Variants in ADGRL2 observed in about 807,000 individuals in gnomAD.
ADGRL2 encodes the protein adhesion G protein-coupled receptor L2.
In ADGRL2, 44 loss-of-function variants were observed where a neutral mutation model predicts 157.4. The observed-to-expected ratio is 0.28, with a 90% CI of 0.22 to 0.36. The LOEUF (loss-of-function observed/expected upper bound fraction) is 0.36. Ranked by LOEUF, ADGRL2 falls within the 10% of genes least tolerant of loss-of-function variation. The probability of loss-of-function intolerance (pLI) is 1.00; values close to 1 mark genes in which losing one functional copy is unlikely to be tolerated. For synonymous variants in ADGRL2, 585 were observed against 624.7 expected, an observed-to-expected ratio of 0.94 and a Z score of 0.95; for missense variants, 1,510 against 1,768.9, an observed-to-expected ratio of 0.85 and a Z score of 2.63.
chr1:81,702,369 G>T (rs1468623784), intron 1 of ADGRL2, among the ~76,000 whole-genome samples: 1 of 152,156 alleles, frequency 6.6e-6, no homozygotes, highest in Non-Finnish European at 1.5e-5. Context: ...AAAGATGGAA[G>T]GTGACAATAA....
chr1:81,851,034 C>G (rs922184667), intron 2 of ADGRL2, among the ~76,000 whole-genome samples: 4 of 151,816 alleles, frequency 2.6e-5, no homozygotes, highest in African/African-American at 9.7e-5. Flanking sequence ...CACTAATGAT[C>G]ACCCAAAAAC....
chr1:81,483,910 A>G (rs1014843432), intron 2 of ADGRL2, among the ~76,000 whole-genome samples: 3 of 152,196 alleles, frequency 2.0e-5, no homozygotes, highest in African/African-American at 7.2e-5. Flanking sequence ...AAAAGACTAA[A>G]TCAAATCTTC....
chr1:81,892,499 A>G (rs558587091), intron 2 of ADGRL2, among the ~76,000 whole-genome samples: 1 of 152,228 alleles, frequency 6.6e-6, no homozygotes, highest in Admixed American at 6.5e-5. Flanking sequence ...GATAAGCCAT[A>G]AGAATTGTGT....
chr1:81,986,258 A>G (rs945778497), intron 21 of ADGRL2, among the ~76,000 whole-genome samples: 14 of 152,126 alleles, frequency 9.2e-5, no homozygotes, highest in Non-Finnish European at 1.9e-4. Context: ...TGCATTATTC[A>G]ATGATTCATT....
chr1:81,912,294 A>G (rs2094747251), intron 3 of ADGRL2, among the ~76,000 whole-genome samples: 2 of 151,288 alleles, frequency 1.3e-5, no homozygotes, highest in Admixed American at 1.3e-4. Flanking sequence ...ATGGTCTCGA[A>G]CTCTTGGCCT....
In ADGRL2 at chr1:81,986,523, C is replaced by A. The variant is rs1426159521; in HGVS notation, c.3509-378C>A. ...TGTAAATTCTGAAAGTTTGAGATTC[C>A]CTCTTCTGGGCCTCAGTGGTTACGT... On this transcript the variant is annotated intron_variant, in intron 21 of 23. Coordinates refer to ENST00000686636, the MANE Select transcript of ADGRL2 (RefSeq NM_001366006.2). Among the ~76,000 whole-genome samples the A allele has an allele frequency of 7.2e-5, 11 of 151,928 alleles. No individual in the cohort carries two copies. The East Asian group carries it at 1.9e-3, about 27-fold the overall frequency.
At chr1:81,709,646 C>T (rs567227426) in intron 1 of ADGRL2, among the ~76,000 whole-genome samples, 3 of 152,022 alleles carry the variant, frequency 2.0e-5, no homozygotes, top group Non-Finnish European at 4.4e-5. Flanking sequence ...ACCTAGCTGA[C>T]ACTTGATTTC....
Position 81,993,334 on chromosome 1 carries a change from T to C in ADGRL2, c.*2189T>C, listed in dbSNP as rs1225267369. ...TTTAATTTTCCATCTTGTTATACTT[T>C]TTATTTTAAATGCCTAAAACCATAC... On this transcript the variant is annotated 3_prime_UTR_variant, in exon 24 of 24. Coordinates refer to ENST00000686636, the MANE Select transcript of ADGRL2 (RefSeq NM_001366006.2). 6.6e-6 allele frequency among the ~76,000 whole-genome samples: 1 copy of C among 151,760 alleles called. No individual in the cohort carries two copies. Among genetic ancestry groups the C allele is most frequent in the Non-Finnish European group, 1.5e-5 (1 of 67,968 alleles).
intron 3 of ADGRL2, chr1:81,596,348 T>A (rs2081233051): frequency 1.9e-6 from 1 of 530,064 alleles, no homozygotes; most frequent in African/African-American, 1.9e-5. Flanking sequence ...GCATTCGAAC[T>A]TGTCCTTTCA....
At chr1:81,370,369 A>C (rs2076141043) in intron 1 of ADGRL2, among the ~76,000 whole-genome samples, 2 of 152,170 alleles carry the variant, frequency 1.3e-5, no homozygotes, top group African/African-American at 4.8e-5. Context: ...GCTTTCACAA[A>C]ATAGTACACT....
At chr1:81,545,030 T>C (rs2079979518) in intron 2 of ADGRL2, among the ~76,000 whole-genome samples, 1 of 152,138 alleles carries the variant, frequency 6.6e-6, no homozygotes, top group Admixed American at 6.6e-5. Context: ...CATCCCTGGT[T>C]CCATCACCTT....
At chr1:81,343,507 G>T (rs1662241841) in intron 1 of ADGRL2, among the ~76,000 whole-genome samples, 1 of 152,178 alleles carries the variant, frequency 6.6e-6, no homozygotes, top group African/African-American at 2.4e-5. Flanking sequence ...CCTTGTGTCT[G>T]AGCTTAGGCT....
At chr1:81,846,770 T>TAA (rs2092806709) in intron 2 of ADGRL2, among the ~76,000 whole-genome samples, 1 of 151,948 alleles carries the variant, frequency 6.6e-6, no homozygotes, top group Admixed American at 6.6e-5. Flanking sequence ...AAGCTTTGGT[T>TAA]AGAGACAATA....
rs180817305 is a variant in ADGRL2, at chr1:81,349,620, G to A, written c.-302+43111G>A. 7.5e-5 allele frequency among the ~76,000 whole-genome samples: 6 copies of A among 79,856 alleles called. No homozygotes were observed. The East Asian group carries it at 1.3e-3, about 17-fold the overall frequency. The allele number at this position is 79,856 out of a possible 152,430, so 52.4% of individuals were successfully genotyped here. On this transcript the variant is annotated intron_variant, in intron 1 of 24. Coordinates refer to the ADGRL2 transcript ENST00000370721. ...TCAAAGATAGAGATGATAAAGACCT[G>A]TGTTGTGAGCTACACACACACACAC...
At chr1:81,312,470 C>G (rs1239611237) in intron 1 of ADGRL2, among the ~76,000 whole-genome samples, 1 of 152,200 alleles carries the variant, frequency 6.6e-6, no homozygotes, top group Non-Finnish European at 1.5e-5. Context: ...GAAAGCAGAA[C>G]TTTCTTTCCC....
At chr1:81,837,805 C>T (rs1241181720) in intron 2 of ADGRL2, among the ~76,000 whole-genome samples, 2 of 151,558 alleles carry the variant, frequency 1.3e-5, no homozygotes, top group Non-Finnish European at 2.9e-5. Flanking sequence ...ATATTATTTC[C>T]ACATGAAAAC....
At chr1:81,706,432 T>C (rs1247692777) in intron 1 of ADGRL2, among the ~76,000 whole-genome samples, 3 of 152,072 alleles carry the variant, frequency 2.0e-5, no homozygotes, top group South Asian at 4.2e-4. Context: ...AGGGAAGATA[T>C]CGAATCCAAT....
At chr1:81,479,243 T>C (rs56712661) in intron 2 of ADGRL2, among the ~76,000 whole-genome samples, 30,163 of 151,082 alleles carry the variant, frequency 0.2, 3,211 homozygotes, top group East Asian at 0.28. Flanking sequence ...GAGGCCGAGA[T>C]GGGTGGATCA....
At chr1:81,838,918 A>G (rs2092416931) in intron 2 of ADGRL2, among the ~76,000 whole-genome samples, 1 of 151,952 alleles carries the variant, frequency 6.6e-6, no homozygotes, top group Non-Finnish European at 1.5e-5. Flanking sequence ...AGAACCTGGG[A>G]CGAACCCATA....
Sources: allele counts gnomAD v4.1 joint callset (sites outside exome capture counted in the v4.1 genomes callset), GRCh38; gene constraint gnomAD v4.1.1; transcripts MANE v1.5; gene names NCBI Gene and HGNC (gene_info 2026-07-23, HGNC 2026-07-21).